The following DLG2 variants were observed in gnomAD, a reference collection of about 807,000 sequenced individuals.
The protein encoded by DLG2 is discs large MAGUK scaffold protein 2.
A neutral mutation model predicts 132.5 loss-of-function variants in DLG2; 45 were observed. The ratio of observed to expected loss-of-function variants is 0.34; its 90% confidence interval spans 0.27 to 0.44. The LOEUF is 0.44. Ranked by LOEUF, DLG2 falls within the 20% of genes least tolerant of loss-of-function variation. The probability of loss-of-function intolerance (pLI) is 1.00; values close to 1 mark genes in which losing one functional copy is unlikely to be tolerated. For synonymous variants in DLG2, 424 were observed against 419.6 expected (o/e 1.01, Z -0.13); for missense variants, 1,045 against 1,196.9 (o/e 0.87, Z 1.87).
intron 7 of DLG2, among the ~76,000 whole-genome samples, chr11:84,406,424 T>C (rs2098849990): frequency 6.6e-6 from 1 of 152,196 alleles, no homozygotes; most frequent in South Asian, 2.1e-4. Context: ...GCTCAAATGG[T>C]CCTCTTGCAT....
intron 17 of DLG2, among the ~76,000 whole-genome samples, chr11:83,813,037 T>C (rs1430846895): frequency 6.6e-6 from 1 of 152,136 alleles, no homozygotes; most frequent in Non-Finnish European, 1.5e-5. Context: ...TTAACCCCCA[T>C]AACAATCCTT....
At chr11:83,667,182 T>G (rs1435446001) in intron 18 of DLG2, among the ~76,000 whole-genome samples, 5 of 152,238 alleles carry the variant, frequency 3.3e-5, no homozygotes, top group African/African-American at 7.2e-5. Flanking sequence ...GTCTTCTGTC[T>G]ACAATGAAGT....
At chr11:83,519,009 A>T (rs961533948) in intron 21 of DLG2, among the ~76,000 whole-genome samples, 3 of 152,178 alleles carry the variant, frequency 2.0e-5, no homozygotes, top group Admixed American at 2.0e-4. Context: ...AAACCCATCA[A>T]GTGTGGGGGT....
chr11:85,122,483 AG>A (rs2074436706), intron 5 of DLG2, among the ~76,000 whole-genome samples: 1 of 152,182 alleles, frequency 6.6e-6, no homozygotes, highest in African/African-American at 2.4e-5. Flanking sequence ...AAGGCATGAA[AG>A]GTAGTGGGAT....
At chr11:85,120,781 T>G (rs1407873560) in intron 5 of DLG2, among the ~76,000 whole-genome samples, 1 of 151,776 alleles carries the variant, frequency 6.6e-6, no homozygotes, top group Non-Finnish European at 1.5e-5. Flanking sequence ...GAAATTTGAC[T>G]TTTGGATATT....
chr11:84,379,255 A>G (rs1049515267), intron 7 of DLG2, among the ~76,000 whole-genome samples: 2 of 152,170 alleles, frequency 1.3e-5, no homozygotes, highest in African/African-American at 4.8e-5. Flanking sequence ...TAAATAATAT[A>G]CAATATGTTC....
At chr11:84,115,877 A>G (rs934677118) in intron 9 of DLG2, among the ~76,000 whole-genome samples, 1 of 152,246 alleles carries the variant, frequency 6.6e-6, no homozygotes, top group African/African-American at 2.4e-5. Flanking sequence ...TCCAGGAGGC[A>G]GGAACCTTTC....
At chr11:84,421,909 G>A (rs1008141618) in intron 7 of DLG2, among the ~76,000 whole-genome samples, 2 of 152,132 alleles carry the variant, frequency 1.3e-5, no homozygotes, top group African/African-American at 4.8e-5. Flanking sequence ...GTATTTTCGA[G>A]CATCATCCCC....
chr11:84,706,387 T>C (rs2059785192), intron 6 of DLG2, among the ~76,000 whole-genome samples: 1 of 151,818 alleles, frequency 6.6e-6, no homozygotes, highest in Non-Finnish European at 1.5e-5. Flanking sequence ...TAAGTCAGGA[T>C]TATTCAATTG....
intron 3 of DLG2, among the ~76,000 whole-genome samples, chr11:85,368,573 T>C (rs2084729982): frequency 6.6e-6 from 1 of 152,216 alleles, no homozygotes; most frequent in Non-Finnish European, 1.5e-5. Flanking sequence ...TCCTACTTTT[T>C]CTCTTGTCTT....
chr11:85,185,832 A>T (rs947657437), intron 4 of DLG2, among the ~76,000 whole-genome samples: 1 of 151,840 alleles, frequency 6.6e-6, no homozygotes, highest in Non-Finnish European at 1.5e-5. Flanking sequence ...TACTTCCCAA[A>T]TATCATTTCA....
intron 6 of DLG2, among the ~76,000 whole-genome samples, chr11:84,770,709 G>A (rs995154348): frequency 6.7e-6 from 1 of 149,668 alleles, no homozygotes; most frequent in Admixed American, 6.7e-5. Context: ...GCAGTGGCAC[G>A]ATCTCGGCTC....
At chr11:83,656,869 T>C (rs527873767) in intron 18 of DLG2, among the ~76,000 whole-genome samples, 1 of 152,260 alleles carries the variant, frequency 6.6e-6, no homozygotes, top group East Asian at 1.9e-4. Context: ...GGCCAACATC[T>C]CCCTTTCCAC....
At chr11:83,469,799 A>T (rs2091775219) in intron 24 of DLG2, among the ~76,000 whole-genome samples, 1 of 152,184 alleles carries the variant, frequency 6.6e-6, no homozygotes, top group Non-Finnish European at 1.5e-5. Flanking sequence ...ATCTTCACAA[A>T]GTCTAAAACC....
At chr11:84,763,727 G>A (rs2067986427) in intron 6 of DLG2, among the ~76,000 whole-genome samples, 1 of 152,156 alleles carries the variant, frequency 6.6e-6, no homozygotes, top group Admixed American at 6.5e-5. Context: ...CAGGTATACA[G>A]TAGTCATTCC....
At chr11:85,446,413 GTTTATAT>G (rs1382069323) in intron 3 of DLG2, among the ~76,000 whole-genome samples, 1 of 152,088 alleles carries the variant, frequency 6.6e-6, no homozygotes, top group African/African-American at 2.4e-5. Flanking sequence ...ATAAAATGTT[GTTTATAT>G]TCTTTTTCAA....
At chr11:84,300,464 A>G (rs1002872453) in intron 7 of DLG2, among the ~76,000 whole-genome samples, 11 of 152,234 alleles carry the variant, frequency 7.2e-5, no homozygotes, top group African/African-American at 2.7e-4. Context: ...ACGATGGTTA[A>G]GAAGACCCTG....
intron 6 of DLG2, among the ~76,000 whole-genome samples, chr11:84,867,099 C>CA (rs2084684478): frequency 6.6e-6 from 1 of 152,222 alleles, no homozygotes; most frequent in South Asian, 2.1e-4. Context: ...TATTGTCAGA[C>CA]ACCTTGTTTC....
intron 16 of DLG2, among the ~76,000 whole-genome samples, chr11:83,854,887 A>G (rs1354748890): frequency 8.5e-6 from 1 of 117,764 alleles, no homozygotes; most frequent in Non-Finnish European, 2.1e-5. Flanking sequence ...CTAAATACTG[A>G]GAGAAAATGA....
Sources: gnomAD v4.1 joint callset for allele counts (sites outside exome capture counted in the v4.1 genomes callset) on GRCh38, gnomAD v4.1.1 for gene constraint, MANE v1.5 for transcripts, NCBI Gene and HGNC (gene_info 2026-07-23, HGNC 2026-07-21) for gene names.